TAFA2: variants seen among roughly 807,000 people sequenced by gnomAD.
TAFA2 encodes the protein chemokine-like protein TAFA-2.
TAFA2 carries 7 observed loss-of-function variants against 18.8 expected under a neutral mutation model. The ratio of observed to expected loss-of-function variants is 0.37; its 90% CI spans 0.21 to 0.70. The LOEUF is 0.70. Ranked by LOEUF, TAFA2 falls within the 30% of genes least tolerant of loss-of-function variation. The pLI, the probability that TAFA2 is intolerant of heterozygous loss-of-function variation, is 0.53. For synonymous variants in TAFA2, 60 were observed against 54.2 expected, an observed-to-expected ratio of 1.11 and a Z score of -0.47; for missense variants, 122 against 158.1, an observed-to-expected ratio of 0.77 and a Z score of 1.23.
chr12:61,945,050 T>A (rs1878208375), intron 1 of TAFA2, among the ~76,000 whole-genome samples: 1 of 148,420 alleles, frequency 6.7e-6, no homozygotes. Flanking sequence ...GATGCAAAAA[T>A]CCTCAATAAA....
intron 2 of TAFA2, among the ~76,000 whole-genome samples, chr12:61,784,337 T>G (rs1290242232): frequency 6.6e-6 from 1 of 151,414 alleles, no homozygotes; most frequent in Non-Finnish European, 1.5e-5. Context: ...TCTGGGAGCA[T>G]AGTACTGCCA....
chr12:62,202,434 C>T (rs2062675088), intron 1 of TAFA2, among the ~76,000 whole-genome samples: 1 of 151,820 alleles, frequency 6.6e-6, no homozygotes. Context: ...GCAACTTCTG[C>T]CTCCCAGTTC....
At chr12:61,853,886 C>A (rs1407550623) in intron 2 of TAFA2, among the ~76,000 whole-genome samples, 1 of 152,140 alleles carries the variant, frequency 6.6e-6, no homozygotes, top group Non-Finnish European at 1.5e-5. Context: ...ACTTGTAACA[C>A]ACTCCCACCC....
At position 61,753,674 on chromosome 12, in the gene TAFA2, G is replaced by A. The variant is rs761949624; in HGVS notation, c.332C>T (p.Pro111Leu). Residue 111 changes from proline to leucine, a missense_variant, in exon 4 of 5, where the codon CCG (proline) becomes CTG (leucine). Around this residue, in one of 2 missense-constraint regions of TAFA2, gnomAD observed 60 missense variants for 102.7 expected, o/e 0.58. Coordinates refer to ENST00000416284, the MANE Select transcript of TAFA2 (RefSeq NM_178539.5). ...CLEGEECKVL[P>L]DRKGWSCSSG... ...GGAACAGCTCCATCCTTTCCGATCC[G>A]GAAGAACTTTACATTCTTCTCCCTC... is the stretch of plus-strand genomic sequence containing the variant. 5 of 1,612,194 alleles carry A rather than the reference G, an allele frequency of 3.1e-6. No homozygotes were observed. The highest frequency in any genetic ancestry group is 4.2e-6 in the Non-Finnish European group (5 of 1,178,816).
At chr12:61,965,122 A>G (rs1342559037) in intron 1 of TAFA2, among the ~76,000 whole-genome samples, 1 of 151,904 alleles carries the variant, frequency 6.6e-6, no homozygotes. Context: ...TAGAAATTTA[A>G]ATCCTAATCC....
intron 1 of TAFA2, among the ~76,000 whole-genome samples, chr12:62,057,742 AT>A (rs1882223788): frequency 6.6e-6 from 1 of 152,170 alleles, no homozygotes; most frequent in Non-Finnish European, 1.5e-5. Context: ...GCCACTTTAA[AT>A]CCTTAATACT....
At chr12:62,073,830 C>T (rs973475914) in intron 1 of TAFA2, among the ~76,000 whole-genome samples, 4 of 152,222 alleles carry the variant, frequency 2.6e-5, no homozygotes, top group Admixed American at 2.0e-4. Context: ...TCCTATGCCA[C>T]GACTATACAG....
chr12:61,840,343 A>T (rs1873121840), intron 2 of TAFA2, among the ~76,000 whole-genome samples: 1 of 152,062 alleles, frequency 6.6e-6, no homozygotes, highest in African/African-American at 2.4e-5. Flanking sequence ...TAAATCAGTG[A>T]TAATCTTATT....
At chr12:62,112,295 T>C (rs1869768488) in intron 1 of TAFA2, among the ~76,000 whole-genome samples, 1 of 152,188 alleles carries the variant, frequency 6.6e-6, no homozygotes, top group Non-Finnish European at 1.5e-5. Context: ...TTATTTTCTT[T>C]AAGAATGTTG....
chr12:62,079,724 T>C (rs899746763), intron 1 of TAFA2, among the ~76,000 whole-genome samples: 2 of 152,056 alleles, frequency 1.3e-5, no homozygotes, highest in South Asian at 4.1e-4. Context: ...AAAATCAACA[T>C]TCCTGTCTCA....
At chr12:62,221,216 G>GGGAAGGAAGGAAGGAAGGAAGGAAGGAA (rs371693194) in intron 1 of TAFA2, among the ~76,000 whole-genome samples, 5 of 78,820 alleles carry the variant, frequency 6.3e-5, no homozygotes, top group African/African-American at 2.4e-4. Flanking sequence ...GAAGGAAGGG[G>GGGAAGGAAGGAAGGAAGGAAGGAAGGAA]GGAAGGAAGG....
chr12:61,717,171 C>A (rs934031072), intron 4 of TAFA2, among the ~76,000 whole-genome samples: 1 of 151,978 alleles, frequency 6.6e-6, no homozygotes, highest in Admixed American at 6.6e-5. Flanking sequence ...CTCATTTAAG[C>A]TTGAGAAAAG....
chr12:61,890,972 A>T (rs910557893), intron 1 of TAFA2, among the ~76,000 whole-genome samples: 1 of 152,188 alleles, frequency 6.6e-6, no homozygotes, highest in Non-Finnish European at 1.5e-5. Flanking sequence ...TTCTTGCTAT[A>T]TAGTAGCACA....
chr12:61,835,308 C>A (rs556429710), intron 2 of TAFA2, among the ~76,000 whole-genome samples: 40 of 152,066 alleles, frequency 2.6e-4, no homozygotes, highest in Non-Finnish European at 5.4e-4. Flanking sequence ...ACTATACTTA[C>A]AAAAATTAAT....
At chr12:61,869,285 T>C (rs1874491070) in intron 1 of TAFA2, among the ~76,000 whole-genome samples, 1 of 152,190 alleles carries the variant, frequency 6.6e-6, no homozygotes, top group Admixed American at 6.5e-5. Flanking sequence ...ATTCAGATTA[T>C]TTTCATTGTC....
rs115010481 is a variant in TAFA2 at position 62,249,654 on chromosome 12, C to T, written c.-130+9109G>A. Reference sequence around the variant, plus strand: ...AGATTCAGAGCAACCTTCCAAATACCCATTGTTCCCTCTCAGACTCAGTGC... The same window carrying T: ...AGATTCAGAGCAACCTTCCAAATACTCATTGTTCCCTCTCAGACTCAGTGC... On this transcript the variant is annotated intron_variant, in intron 1 of 5. Transcript: ENST00000551619. Among the ~76,000 whole-genome samples, 230 of 152,274 alleles carry T rather than the reference C, an allele frequency of 1.5e-3. 3 individuals carry two copies. The highest frequency in any genetic ancestry group is 5.2e-3 in the African/African-American group (217 of 41,562).
chr12:62,230,191 G>T (rs79900988), intron 1 of TAFA2, among the ~76,000 whole-genome samples: 8 of 115,378 alleles, frequency 6.9e-5, no homozygotes, highest in Non-Finnish European at 1.1e-4. Context: ...GATTTTTTTT[G>T]GTATCAATTG....
At chr12:61,813,201 A>C (rs962262235) in intron 2 of TAFA2, among the ~76,000 whole-genome samples, 1 of 151,284 alleles carries the variant, frequency 6.6e-6, no homozygotes, top group Non-Finnish European at 1.5e-5. Flanking sequence ...TGACAATTTT[A>C]TGTTCAAAAA....
intron 1 of TAFA2, among the ~76,000 whole-genome samples, chr12:62,029,259 C>T (rs571309402): frequency 2.6e-5 from 4 of 152,134 alleles, no homozygotes; most frequent in South Asian, 2.1e-4. Flanking sequence ...TTTCACTTGA[C>T]GGAAAGAAGA....
Sources: allele counts gnomAD v4.1 joint callset (sites outside exome capture counted in the v4.1 genomes callset), GRCh38; gene constraint gnomAD v4.1.1; regional missense constraint gnomAD v4.1.1; transcripts MANE v1.5; gene names NCBI Gene and HGNC (gene_info 2026-07-23, HGNC 2026-07-21).